The following GRIA1 variants were observed in gnomAD, a reference collection of about 807,000 sequenced individuals.
GRIA1 encodes glutamate ionotropic receptor AMPA type subunit 1.
In GRIA1, 31 loss-of-function variants were observed where a neutral mutation model predicts 99.2. That is an observed-to-expected ratio of 0.31 (90% CI 0.23 to 0.42). The LOEUF is 0.42. Ranked by LOEUF, GRIA1 falls within the 10% of genes least tolerant of loss-of-function variation. GRIA1 has a pLI of 1.00. For missense variants in GRIA1, 782 were observed against 1,157.5 expected, an observed-to-expected ratio of 0.68 and a Z score of 4.71; for synonymous variants, 438 against 432.4, an observed-to-expected ratio of 1.01 and a Z score of -0.16.
chr5:153,791,849 G>A (rs1765322661), intron 13 of GRIA1, among the ~76,000 whole-genome samples: 1 of 151,762 alleles, frequency 6.6e-6, no homozygotes, highest in South Asian at 2.1e-4. Context: ...GAGACACATA[G>A]GTTATAGATA....
chr5:153,793,814 C>A (rs186992938), intron 13 of GRIA1, among the ~76,000 whole-genome samples: 4 of 152,300 alleles, frequency 2.6e-5, no homozygotes, highest in Admixed American at 2.0e-4. Context: ...GAGCAGGTGT[C>A]TGTGGTCCTC....
At chr5:153,576,347 T>A (rs555580032) in intron 2 of GRIA1, among the ~76,000 whole-genome samples, 1 of 152,196 alleles carries the variant, frequency 6.6e-6, no homozygotes, top group African/African-American at 2.4e-5. Context: ...CCTTGAAGAA[T>A]AGGATGTATT....
chr5:153,714,187 G>C (rs931812188), intron 11 of GRIA1, among the ~76,000 whole-genome samples: 2 of 152,094 alleles, frequency 1.3e-5, no homozygotes, highest in African/African-American at 4.8e-5. Context: ...CTCGGCTCTG[G>C]ATAGTCATTG....
chr5:153,493,843 A>G, intron 1 of GRIA1, 85 bp from the exon 2 acceptor site: 1 of 1,387,608 alleles, frequency 7.2e-7, no homozygotes, highest in Non-Finnish European at 1.0e-6. Context: ...CATGGGGAGA[A>G]GAAAAGGACT....
At chr5:153,497,731 C>T (rs1370043405) in intron 2 of GRIA1, among the ~76,000 whole-genome samples, 1 of 152,130 alleles carries the variant, frequency 6.6e-6, no homozygotes, top group African/African-American at 2.4e-5. Context: ...AAAAGTCTTC[C>T]ATCCCTTTAG....
At chr5:153,494,803 GA>G (rs1467200429) in intron 2 of GRIA1, among the ~76,000 whole-genome samples, 3 of 152,212 alleles carry the variant, frequency 2.0e-5, no homozygotes, top group Non-Finnish European at 4.4e-5. Flanking sequence ...CATGACAGAT[GA>G]AAGCATAAAA....
chr5:153,641,248 C>T (rs1036731322), intron 2 of GRIA1, among the ~76,000 whole-genome samples: 4 of 151,934 alleles, frequency 2.6e-5, no homozygotes, highest in African/African-American at 7.3e-5. Context: ...GGACAGGAGC[C>T]AAGGAGAAAT....
chr5:153,665,159 C>T (rs984685311), intron 5 of GRIA1, among the ~76,000 whole-genome samples: 6 of 152,236 alleles, frequency 3.9e-5, no homozygotes, highest in African/African-American at 1.4e-4. Context: ...CAGCCTTGCA[C>T]TCAATAGCCC....
At chr5:153,791,644 T>G (rs1312627827) in intron 13 of GRIA1, among the ~76,000 whole-genome samples, 8 of 152,010 alleles carry the variant, frequency 5.3e-5, no homozygotes, top group Non-Finnish European at 1.2e-4. Context: ...GTAGTAAAAA[T>G]GATAACCAAA....
chr5:153,527,269 T>C (rs1220034336), intron 2 of GRIA1, among the ~76,000 whole-genome samples: 1 of 152,208 alleles, frequency 6.6e-6, no homozygotes, highest in Admixed American at 6.5e-5. Context: ...TCTTGAAATC[T>C]TGCAAATCAA....
intron 13 of GRIA1, among the ~76,000 whole-genome samples, chr5:153,790,015 T>C (rs1343369729): frequency 6.6e-6 from 1 of 152,224 alleles, no homozygotes; most frequent in Non-Finnish European, 1.5e-5. Context: ...ATGGAGACAC[T>C]GAAGCTCAGA....
intron 2 of GRIA1, among the ~76,000 whole-genome samples, chr5:153,524,383 C>T (rs745729806): frequency 6.6e-6 from 1 of 152,062 alleles, no homozygotes; most frequent in African/African-American, 2.4e-5. Flanking sequence ...AACAAACTTC[C>T]GAAATGATAG....
chr5:153,772,785 C>A (rs1283874976), intron 13 of GRIA1, among the ~76,000 whole-genome samples: 1 of 152,114 alleles, frequency 6.6e-6, no homozygotes, highest in Admixed American at 6.5e-5. Context: ...TAGAAAGACT[C>A]AAAGTAGAGA....
chr5:153,592,280 G>C (rs892014993), intron 2 of GRIA1, among the ~76,000 whole-genome samples: 3 of 152,240 alleles, frequency 2.0e-5, no homozygotes, highest in Non-Finnish European at 4.4e-5. Context: ...GATGGCTCTA[G>C]ATTCCATTGA....
Position 153,760,151 on chromosome 5 carries a change from C to G in GRIA1, c.1824-4283C>G, listed in dbSNP as rs1403869192. On this transcript the variant is annotated intron_variant, in intron 11 of 15. Transcript: ENST00000285900. ...ATATGGAACTAGACGAGGATGGCCACTGTCCCCACTTCTATTCAACGTTGT... is the reference window on the plus strand; with the variant it reads ...ATATGGAACTAGACGAGGATGGCCAGTGTCCCCACTTCTATTCAACGTTGT... Among the ~76,000 whole-genome samples the G allele has an allele frequency of 3.3e-5, 5 of 152,142 alleles. No individual in the cohort carries two copies. In the East Asian group the frequency reaches 9.6e-4, roughly 29 times the overall value.
At chr5:153,508,514 G>T (rs962234231) in intron 2 of GRIA1, among the ~76,000 whole-genome samples, 1 of 152,004 alleles carries the variant, frequency 6.6e-6, no homozygotes, top group African/African-American at 2.4e-5. Flanking sequence ...AGAACAGAAA[G>T]AAGGCCAGTG....
At chr5:153,539,908 G>A (rs996195385) in intron 2 of GRIA1, among the ~76,000 whole-genome samples, 4 of 152,164 alleles carry the variant, frequency 2.6e-5, no homozygotes, top group Admixed American at 2.0e-4. Context: ...GTAAGCTTGC[G>A]CTCAGCTAAC....
At chr5:153,673,537 T>A (rs922946562) in intron 5 of GRIA1, among the ~76,000 whole-genome samples, 1 of 152,224 alleles carries the variant, frequency 6.6e-6, no homozygotes, top group African/African-American at 2.4e-5. Flanking sequence ...AATCAGTGAA[T>A]AAGTGAGTGA....
intron 11 of GRIA1, among the ~76,000 whole-genome samples, chr5:153,759,170 A>AAT (rs1285866117): frequency 2.0e-5 from 3 of 151,614 alleles, no homozygotes; most frequent in Non-Finnish European, 3.0e-5. Context: ...AGACCAAAAA[A>AAT]AAAAACAGAA....
Sources: gnomAD v4.1 joint callset for allele counts (sites outside exome capture counted in the v4.1 genomes callset) on GRCh38, gnomAD v4.1.1 for gene constraint, MANE v1.5 for transcripts, NCBI Gene and HGNC (gene_info 2026-07-23, HGNC 2026-07-21) for gene names.